The following SGIP1 variants were observed in gnomAD, a reference collection of about 807,000 sequenced individuals.
The protein encoded by SGIP1 is SH3GL interacting endocytic adaptor 1.
In SGIP1, 38 loss-of-function variants were observed where a neutral mutation model predicts 107.5. The observed-to-expected ratio is 0.35, with a 90% confidence interval of 0.27 to 0.46. SGIP1 has a LOEUF of 0.46. Ranked by LOEUF, SGIP1 falls within the 20% of genes least tolerant of loss-of-function variation. The pLI is 1.00. For missense variants in SGIP1, 929 were observed against 1,019.5 expected (o/e 0.91, Z 1.21); for synonymous variants, 365 against 366.1 (o/e 1.00, Z 0.03).
chr1:66,727,103 C>A (rs1014488141), intron 19 of SGIP1, among the ~76,000 whole-genome samples: 1 of 152,202 alleles, frequency 6.6e-6, no homozygotes, highest in Non-Finnish European at 1.5e-5. Flanking sequence ...TTAAAAACTT[C>A]TGCTCTTCAA....
At chr1:66,685,292 G>A (rs1342715099) in intron 15 of SGIP1, among the ~76,000 whole-genome samples, 1 of 152,206 alleles carries the variant, frequency 6.6e-6, no homozygotes, top group East Asian at 1.9e-4. Flanking sequence ...TGATAACCTT[G>A]TGAATCAGAA....
intron 13 of SGIP1, among the ~76,000 whole-genome samples, chr1:66,678,845 G>A (rs2149949715): frequency 6.6e-6 from 1 of 152,328 alleles, no homozygotes; most frequent in East Asian, 1.9e-4. Flanking sequence ...ATGAGAGATT[G>A]GACGGCATTC....
chr1:66,535,579 G>A (rs1188976376), intron 1 of SGIP1, among the ~76,000 whole-genome samples: 1 of 152,214 alleles, frequency 6.6e-6, no homozygotes, highest in Admixed American at 6.5e-5. Context: ...ATTTGGGGGA[G>A]TGAAGAATTC....
Position 66,666,448 on chromosome 1 carries a change from A to G in SGIP1, c.472-1082A>G, listed in dbSNP as rs1422051037. ...TCTTTTTGCTTATGATTGTCTTGGC[A>G]ATGAGGGCTCTTTTTTGGTTCCATA... On this transcript the variant is annotated intron_variant, in intron 8 of 24. Coordinates refer to ENST00000371037, the MANE Select transcript of SGIP1 (RefSeq NM_032291.4). 3 of 162,404 alleles carry G rather than the reference A, an allele frequency of 1.8e-5. No individual in the cohort carries two copies. In the South Asian group the frequency reaches 4.4e-4, roughly 24 times the overall value. 10.1% of individuals were successfully genotyped at this position (162,404 alleles called of 1,614,324 possible).
At chr1:66,576,607 G>A (rs916298760) in intron 1 of SGIP1, among the ~76,000 whole-genome samples, 1 of 152,058 alleles carries the variant, frequency 6.6e-6, no homozygotes, top group Non-Finnish European at 1.5e-5. Context: ...CATATCTCAA[G>A]ATCTCCCAAA....
upstream of SGIP1, chr1:66,533,738 T>C (rs1466806882): frequency 6.5e-6 from 1 of 152,744 alleles, no homozygotes; most frequent in Non-Finnish European, 1.5e-5. Context: ...ACGGAATTAT[T>C]AAGTTTTTCT....
chr1:66,555,729 A>T (rs1244118817), intron 1 of SGIP1, among the ~76,000 whole-genome samples: 1 of 152,242 alleles, frequency 6.6e-6, no homozygotes, highest in Middle Eastern at 3.4e-3. Context: ...GAAGGTGTTG[A>T]CCTGGATGAA....
chr1:66,646,931 A>G (rs2077774183), intron 7 of SGIP1, among the ~76,000 whole-genome samples: 1 of 152,200 alleles, frequency 6.6e-6, no homozygotes. Flanking sequence ...AAGGATAATA[A>G]TTCTTTTTCT....
chr1:66,593,274 G>A (rs1558005717), intron 1 of SGIP1, among the ~76,000 whole-genome samples: 1 of 152,148 alleles, frequency 6.6e-6, no homozygotes, highest in Non-Finnish European at 1.5e-5. Flanking sequence ...AGGTTTTTGT[G>A]TGGACAGAGT....
chr1:66,548,172 T>A (rs1360735553), intron 1 of SGIP1, among the ~76,000 whole-genome samples: 1 of 152,176 alleles, frequency 6.6e-6, no homozygotes, highest in Non-Finnish European at 1.5e-5. Context: ...AGACAATTAC[T>A]TGGGTTGTCG....
chr1:66,704,851 C>A (rs537015077), intron 18 of SGIP1: 1 of 152,278 alleles, frequency 6.6e-6, no homozygotes, highest in South Asian at 2.1e-4. Context: ...ATTTAATCAG[C>A]ACCACATATA....
intron 1 of SGIP1, among the ~76,000 whole-genome samples, chr1:66,561,903 A>G (rs927794779): frequency 2.0e-5 from 3 of 152,068 alleles, no homozygotes; most frequent in African/African-American, 7.2e-5. Context: ...AATAAAGTCC[A>G]CAAACAAGAC....
intron 7 of SGIP1, among the ~76,000 whole-genome samples, chr1:66,646,792 TAAAC>T (rs1190243082): frequency 6.6e-6 from 1 of 152,156 alleles, no homozygotes; most frequent in Non-Finnish European, 1.5e-5. Flanking sequence ...GTTAGACAAA[TAAAC>T]AAAATTTTAG....
chr1:66,627,279 G>A (rs958172136), intron 2 of SGIP1, among the ~76,000 whole-genome samples: 1 of 152,068 alleles, frequency 6.6e-6, no homozygotes, highest in Admixed American at 6.6e-5. Flanking sequence ...CTTGAGTTTG[G>A]CCTTCAAGAA....
At chr1:66,623,720 T>G (rs919999560) in intron 1 of SGIP1, among the ~76,000 whole-genome samples, 2 of 152,218 alleles carry the variant, frequency 1.3e-5, no homozygotes, top group Admixed American at 1.3e-4. Context: ...TTTGTGAAGG[T>G]GTGCAGATTC....
intron 1 of SGIP1, among the ~76,000 whole-genome samples, chr1:66,618,315 C>T (rs567984975): frequency 5.9e-5 from 9 of 152,182 alleles, no homozygotes; most frequent in African/African-American, 1.4e-4. Flanking sequence ...TCTCCTCCTT[C>T]CCTAATGCAT....
At chr1:66,734,387 A>G (rs2094141522) in intron 21 of SGIP1, among the ~76,000 whole-genome samples, 1 of 152,076 alleles carries the variant, frequency 6.6e-6, no homozygotes, top group African/African-American at 2.4e-5. Flanking sequence ...TTGTATCTAG[A>G]ATTGCCCTTA....
chr1:66,746,057 C>T lies in SGIP1; in HGVS notation c.*2962C>T, dbSNP rs1466685769. On this transcript the variant is annotated 3_prime_UTR_variant, in exon 25 of 25. Coordinates refer to ENST00000371037, the MANE Select transcript of SGIP1 (RefSeq NM_032291.4). ...GGTTTTGAGTTAATAGATAGGAATCCCTCAGTCAAACTACAGAATTTTTTT... is the reference window on the plus strand; with the variant it reads ...GGTTTTGAGTTAATAGATAGGAATCTCTCAGTCAAACTACAGAATTTTTTT... 6.6e-6 allele frequency: 1 copy of T among 151,838 alleles called. No individual in the cohort carries two copies. The highest frequency in any genetic ancestry group is 1.5e-5 in the Non-Finnish European group (1 of 67,952). The allele number at this position is 151,838 out of a possible 1,614,324, so 9.4% of individuals were successfully genotyped here.
chr1:66,556,775 G>T (rs182711068), intron 1 of SGIP1, among the ~76,000 whole-genome samples: 8 of 152,022 alleles, frequency 5.3e-5, no homozygotes, highest in African/African-American at 1.9e-4. Flanking sequence ...TGGCTAAAAT[G>T]ATCTGTAATA....
Sources: allele counts gnomAD v4.1 joint callset (sites outside exome capture counted in the v4.1 genomes callset), GRCh38; gene constraint gnomAD v4.1.1; transcripts MANE v1.5; gene names NCBI Gene and HGNC (gene_info 2026-07-23, HGNC 2026-07-21).